The following SLC14A2 variants were observed in gnomAD, a reference collection of about 807,000 sequenced individuals.
SLC14A2 encodes the protein solute carrier family 14 member 2.
SLC14A2 carries 91 observed loss-of-function variants against 104.6 expected under a neutral mutation model. The observed-to-expected ratio is 0.87, with a 90% CI of 0.73 to 1.04. The LOEUF is 1.04. SLC14A2 is among the 50% of genes least tolerant of loss of function. The probability of loss-of-function intolerance (pLI) is 0.00; values close to 1 mark genes in which losing one functional copy is unlikely to be tolerated. For missense variants in SLC14A2, 1,189 were observed against 1,156.0 expected (o/e 1.03, Z -0.41); for synonymous variants, 476 against 466.4 (o/e 1.02, Z -0.27).
At chr18:45,498,415 G>T (rs979551357) in intron 2 of SLC14A2, among the ~76,000 whole-genome samples, 3 of 152,352 alleles carry the variant, frequency 2.0e-5, no homozygotes, top group African/African-American at 7.2e-5. Flanking sequence ...GCGAGAAGCT[G>T]CCAGACGCCC....
intron 4 of SLC14A2, among the ~76,000 whole-genome samples, chr18:45,631,972 C>G (rs1263036193): frequency 3.3e-5 from 5 of 152,208 alleles, no homozygotes; most frequent in African/African-American, 9.7e-5. Flanking sequence ...CCTTCCCTCT[C>G]TTCTCTCTCC....
chr18:45,382,247 G>T (rs912522180), intron 1 of SLC14A2, among the ~76,000 whole-genome samples: 2 of 152,188 alleles, frequency 1.3e-5, no homozygotes, highest in Non-Finnish European at 2.9e-5. Context: ...GCTATCAGGT[G>T]TGTTTACCAT....
chr18:45,285,065 T>C (rs2084799977), intron 1 of SLC14A2, among the ~76,000 whole-genome samples: 3 of 152,300 alleles, frequency 2.0e-5, no homozygotes, highest in Non-Finnish European at 2.9e-5. Flanking sequence ...TATAGAGATT[T>C]CCCATAGTCA....
chr18:45,227,493 T>G (rs2144011894), intron 1 of SLC14A2, among the ~76,000 whole-genome samples: 1 of 152,312 alleles, frequency 6.6e-6, no homozygotes, highest in African/African-American at 2.4e-5. Flanking sequence ...CTTGCTTCAT[T>G]ATCACATAGC....
chr18:45,251,582 A>G (rs1314628735), intron 1 of SLC14A2, among the ~76,000 whole-genome samples: 2 of 152,188 alleles, frequency 1.3e-5, no homozygotes, highest in Non-Finnish European at 2.9e-5. Flanking sequence ...TGTAAGACCT[A>G]GTTGTCTGCA....
At chr18:45,514,605 G>A (rs972315485) in intron 2 of SLC14A2, among the ~76,000 whole-genome samples, 2 of 152,156 alleles carry the variant, frequency 1.3e-5, no homozygotes, top group African/African-American at 4.8e-5. Context: ...GCCTACATTA[G>A]GTGAGCATCC....
intron 18 of SLC14A2, among the ~76,000 whole-genome samples, chr18:45,677,604 G>T (rs1196284632): frequency 6.6e-6 from 1 of 152,158 alleles, no homozygotes; most frequent in Non-Finnish European, 1.5e-5. Flanking sequence ...GAATAATGCT[G>T]ACACATAGGG....
At position 45,648,467 on chromosome 18, in the gene SLC14A2, G is replaced by A. The variant is rs1244300813; in HGVS notation, c.1351+4307G>A. Among the ~76,000 whole-genome samples, 8 of 152,040 alleles carry A rather than the reference G, an allele frequency of 5.3e-5. No homozygotes were observed. The East Asian group carries it at 1.6e-3, about 29-fold the overall frequency. ...TGATTCGCCCACCTCGGCCTCCCAAGGTGCTGGGATTACAGGCATGAGCCA... is the reference window on the plus strand; with the variant it reads ...TGATTCGCCCACCTCGGCCTCCCAAAGTGCTGGGATTACAGGCATGAGCCA... On this transcript the variant is annotated intron_variant, in intron 10 of 19. Coordinates refer to ENST00000255226, the MANE Select transcript of SLC14A2 (RefSeq NM_007163.4).
At chr18:45,444,013 G>C (rs1473609328) in intron 1 of SLC14A2, among the ~76,000 whole-genome samples, 2 of 152,172 alleles carry the variant, frequency 1.3e-5, no homozygotes, top group East Asian at 3.9e-4. Flanking sequence ...CCTGGAAAAA[G>C]TAAAGAGGAC....
At position 45,639,661 on chromosome 18, in the gene SLC14A2, C is replaced by T. The variant is rs867780412; in HGVS notation, c.844-85C>T. 2.3e-5 allele frequency: 31 copies of T among 1,370,272 alleles called. No homozygotes were observed. In the Middle Eastern group the frequency reaches 7.3e-4, roughly 32 times the overall value. 84.9% of individuals were successfully genotyped at this position (1,370,272 alleles called of 1,614,324 possible). On this transcript the variant is annotated intron_variant, in intron 6 of 19. Transcript: ENST00000255226. ...CTCCCGTTCCACTCCATTACTCCCC[C>T]GAGGAATGGCTCAAATCTGGCCCTG...
At chr18:45,514,113 T>C (rs1411954408) in intron 2 of SLC14A2, among the ~76,000 whole-genome samples, 1 of 152,180 alleles carries the variant, frequency 6.6e-6, no homozygotes, top group Admixed American at 6.5e-5. Flanking sequence ...GGAAGTTGTA[T>C]TAGGCCATTC....
chr18:45,185,496 A>C, the SLC14A2 span, among the ~76,000 whole-genome samples: 2 of 152,208 alleles, frequency 1.3e-5, no homozygotes, highest in African/African-American at 4.8e-5. Flanking sequence ...AAACATCCTC[A>C]GTCTGATGAA....
At chr18:45,185,326 C>T in the SLC14A2 span, among the ~76,000 whole-genome samples, 1 of 152,124 alleles carries the variant, frequency 6.6e-6, no homozygotes, top group African/African-American at 2.4e-5. Context: ...GCTTCATATC[C>T]ACAGGGAAGA....
intron 1 of SLC14A2, among the ~76,000 whole-genome samples, chr18:45,472,081 T>C (rs2087260509): frequency 6.6e-6 from 1 of 152,102 alleles, no homozygotes; most frequent in Admixed American, 6.6e-5. Flanking sequence ...CCTGTGTCCA[T>C]GTGTTCTCGT....
chr18:45,401,713 A>C (rs942144769), intron 1 of SLC14A2, among the ~76,000 whole-genome samples: 1 of 152,224 alleles, frequency 6.6e-6, no homozygotes, highest in African/African-American at 2.4e-5. Flanking sequence ...TAGTAGGGAT[A>C]CTTATACAGA....
chr18:45,192,453 T>A, the SLC14A2 span, among the ~76,000 whole-genome samples: 1 of 152,220 alleles, frequency 6.6e-6, no homozygotes, highest in Non-Finnish European at 1.5e-5. Context: ...TACCTAGGAT[T>A]AGAATGGTAG....
Position 45,339,696 on chromosome 18 carries a change from G to A in SLC14A2, c.-125+126505G>A, listed in dbSNP as rs565599782. ...AAAGAGCATCAGCTGAGCAATGGAT[G>A]GTGGGAAGAAAGGAAAGAGCAGGTT... On this transcript the variant is annotated intron_variant, in intron 1 of 20. Coordinates refer to the SLC14A2 transcript ENST00000586448. 6.6e-5 allele frequency among the ~76,000 whole-genome samples: 10 copies of A among 152,336 alleles called. No homozygotes were observed. In the South Asian group the frequency reaches 2.1e-3, roughly 32 times the overall value.
intron 2 of SLC14A2, among the ~76,000 whole-genome samples, chr18:45,579,244 T>G (rs1467185844): frequency 6.6e-6 from 1 of 152,240 alleles, no homozygotes; most frequent in Admixed American, 6.5e-5. Flanking sequence ...TACAAGGCTC[T>G]TTGTATGGGC....
At chr18:45,370,536 A>G (rs1172989615) in intron 1 of SLC14A2, among the ~76,000 whole-genome samples, 2 of 152,216 alleles carry the variant, frequency 1.3e-5, no homozygotes, top group African/African-American at 4.8e-5. Flanking sequence ...ATGTGTGTTC[A>G]CTCAACCTTT....
Sources: allele counts gnomAD v4.1 joint callset (sites outside exome capture counted in the v4.1 genomes callset), GRCh38; gene constraint gnomAD v4.1.1; transcripts MANE v1.5; gene names NCBI Gene and HGNC (gene_info 2026-07-23, HGNC 2026-07-21).